The following TNPO3 variants were observed in gnomAD, a reference collection of about 807,000 sequenced individuals.
TNPO3 encodes the protein transportin 3.
In TNPO3, 65 loss-of-function variants were observed where a neutral mutation model predicts 122.8. The observed-to-expected ratio is 0.53, with a 90% CI of 0.43 to 0.65. The LOEUF is 0.65. Ranked by LOEUF, TNPO3 falls within the 30% of genes least tolerant of loss-of-function variation. TNPO3 has a pLI of 0.00. For missense variants in TNPO3, 850 were observed against 1,136.7 expected (o/e 0.75, Z 3.63); for synonymous variants, 372 against 411.2 (o/e 0.90, Z 1.15).
At chr7:129,004,195 T>G (rs940350882) in intron 5 of TNPO3, among the ~76,000 whole-genome samples, 2 of 152,180 alleles carry the variant, frequency 1.3e-5, no homozygotes, top group Admixed American at 1.3e-4. Flanking sequence ...TAATTCACAG[T>G]GGCATCAATC....
rs1290226480 is a variant in TNPO3, at chr7:128,982,235, T to C, written c.1859+13A>G. On this transcript the variant is annotated intron_variant, in intron 14 of 22. Coordinates refer to ENST00000265388, the MANE Select transcript of TNPO3 (RefSeq NM_012470.4). ...TTTAACCCAAGTAAGGCATCCAGAG[T>C]CTCCTTTCTTACCTAAATATCACTG... 1.2e-6 allele frequency: 2 copies of C among 1,609,744 alleles called. No homozygotes were observed. The highest frequency in any genetic ancestry group is 1.7e-6 in the Non-Finnish European group (2 of 1,176,922).
intron 21 of TNPO3, among the ~76,000 whole-genome samples, chr7:128,961,401 A>G (rs1797440488): frequency 1.3e-5 from 2 of 152,186 alleles, no homozygotes; most frequent in African/African-American, 4.8e-5. Context: ...TTTGTAGCCT[A>G]GGAGCAATAG....
chr7:129,027,599 A>C (rs1339490335), intron 1 of TNPO3, among the ~76,000 whole-genome samples: 9 of 146,784 alleles, frequency 6.1e-5, no homozygotes, highest in South Asian at 4.3e-4. Context: ...AAACAACACA[A>C]AAAATTCACT....
intron 5 of TNPO3, among the ~76,000 whole-genome samples, chr7:129,003,058 A>AAAAAAAAAAAAAAC (rs1400850958): frequency 1.4e-5 from 2 of 145,198 alleles, no homozygotes; most frequent in Non-Finnish European, 3.0e-5. Flanking sequence ...AAAAAAAAAA[A>AAAAAAAAAAAAAAC]AAAAAATACA....
intron 16 of TNPO3, among the ~76,000 whole-genome samples, chr7:128,977,599 CT>C (rs57577501): frequency 0.44 from 59,337 of 135,336 alleles, 12,304 homozygotes; most frequent in Admixed American, 0.55. Context: ...TTTCTTTTTT[CT>C]TTTTTTTTTT....
intron 11 of TNPO3, 103 bp downstream of exon 11, chr7:128,989,858 T>A: frequency 7.6e-7 from 1 of 1,321,768 alleles, no homozygotes; most frequent in Non-Finnish European, 1.1e-6. Flanking sequence ...AAACACTCCG[T>A]GTTAAAAAAA....
intron 4 of TNPO3, 35 bp downstream of exon 4, chr7:129,014,944 T>C: frequency 6.5e-7 from 1 of 1,539,676 alleles, no homozygotes; most frequent in Non-Finnish European, 8.7e-7. Flanking sequence ...GCTTTCTGCC[T>C]TTATGCAGCA....
At chr7:129,041,815 G>C (rs1471917449) in intron 1 of TNPO3, 1 of 862,036 alleles carries the variant, frequency 1.2e-6, no homozygotes, top group African/African-American at 1.8e-5. Flanking sequence ...CTTTTCAAAA[G>C]ATATTTCCAT....
rs769500215 is a variant in TNPO3, at chr7:128,993,894, A to G, written c.1179T>C (p.Thr393=). The change falls in exon 9 of 23, where the codon ACT becomes ACC. Residue 393 remains threonine (T), a synonymous_variant. Coordinates refer to ENST00000265388, the MANE Select transcript of TNPO3 (RefSeq NM_012470.4). ...TCATGCGAAACTCCCCAAAGTCATC[A>G]GTCTCCTCAGGAACCCCCTCCTAAA... The part of the protein sequence containing the change: ...EPDHEGVPEE[T]DDFGEFRMRV... The G allele has an allele frequency of 1.3e-4, 203 of 1,614,034 alleles. No individual in the cohort carries two copies. Among genetic ancestry groups the G allele is most frequent in the Non-Finnish European group, 1.7e-4 (195 of 1,180,026 alleles).
chr7:129,002,845 G>C (rs1802103534), intron 5 of TNPO3, among the ~76,000 whole-genome samples: 1 of 151,828 alleles, frequency 6.6e-6, no homozygotes, highest in South Asian at 2.1e-4. Context: ...GAGGTCAGGA[G>C]ATCGAGACCA....
chr7:129,036,081 G>A (rs188138487), intron 1 of TNPO3, among the ~76,000 whole-genome samples: 3 of 151,464 alleles, frequency 2.0e-5, no homozygotes, highest in Non-Finnish European at 2.9e-5. Flanking sequence ...AGCCTCCCGA[G>A]TAGCTGGGAC....
chr7:129,022,500 G>A (rs1186553420), intron 1 of TNPO3, among the ~76,000 whole-genome samples: 2 of 151,570 alleles, frequency 1.3e-5, no homozygotes, highest in African/African-American at 4.8e-5. Context: ...AAATGTTGGG[G>A]GGTAGGGGAG....
chr7:128,961,849 T>A (rs997692206), intron 21 of TNPO3, among the ~76,000 whole-genome samples: 2 of 152,178 alleles, frequency 1.3e-5, no homozygotes, highest in Admixed American at 1.3e-4. Context: ...CTAATTCCAG[T>A]ATCAATGCTT....
chr7:128,982,104 C>T, intron 14 of TNPO3, 144 bp downstream of exon 14: 1 of 594,942 alleles, frequency 1.7e-6, no homozygotes, highest in South Asian at 2.1e-5. Flanking sequence ...TGCCCCAGAA[C>T]TTCAGGTAAC....
At chr7:129,002,726 G>A (rs1350416699) in intron 5 of TNPO3, among the ~76,000 whole-genome samples, 1 of 152,036 alleles carries the variant, frequency 6.6e-6, no homozygotes, top group Non-Finnish European at 1.5e-5. Flanking sequence ...AGACCATCCT[G>A]GCTAACACAG....
intron 4 of TNPO3, among the ~76,000 whole-genome samples, chr7:129,006,670 T>C (rs1252121550): frequency 6.6e-6 from 1 of 152,192 alleles, no homozygotes; most frequent in Admixed American, 6.5e-5. Flanking sequence ...TTAAATAAGA[T>C]CTAAATAGTG....
intron 16 of TNPO3, among the ~76,000 whole-genome samples, 183 bp from the exon 17 acceptor site, chr7:128,976,118 C>G (rs1799032960): frequency 6.6e-6 from 1 of 152,318 alleles, no homozygotes; most frequent in South Asian, 2.1e-4. Flanking sequence ...TTTTCAGGTT[C>G]TCTATTCTTC....
In TNPO3 at chr7:128,997,475, C is replaced by T. The variant is rs377543486; in HGVS notation, c.1072G>A (p.Asp358Asn). The T allele has an allele frequency of 1.2e-5, 20 of 1,613,824 alleles. No homozygotes were observed. The highest frequency in any genetic ancestry group is 1.7e-5 in the Admixed American group (1 of 59,990). The change falls in exon 8 of 23, where the codon GAT becomes AAT. Residue 358 changes from aspartate to asparagine, a missense_variant. Physicochemically the swap from Asp to Asn is conservative, Grantham distance 23. Transcript: ENST00000265388. ...TTGAAGATGCCATGAATAACTTCATCGTTAGTTTTGTACAAATGTTCCCCC... is the reference window on the plus strand; with the variant it reads ...TTGAAGATGCCATGAATAACTTCATTGTTAGTTTTGTACAAATGTTCCCCC... ...RLGEHLYKTN[D>N]EVIHGIFKAY...
At chr7:129,053,408 T>C (rs1210971008) in intron 1 of TNPO3, among the ~76,000 whole-genome samples, 2 of 147,568 alleles carry the variant, frequency 1.4e-5, no homozygotes, top group African/African-American at 2.5e-5. Context: ...GGCAGGAGAA[T>C]CTCTTGAACC....
Sources: gnomAD v4.1 joint callset for allele counts (sites outside exome capture counted in the v4.1 genomes callset) on GRCh38, gnomAD v4.1.1 for gene constraint, MANE v1.5 for transcripts, NCBI Gene and HGNC (gene_info 2026-07-23, HGNC 2026-07-21) for gene names.